CBR4: variants seen among roughly 807,000 people sequenced by gnomAD.
CBR4 encodes 3-oxoacyl-[acyl-carrier-protein] reductase.
A neutral mutation model predicts 21.0 loss-of-function variants in CBR4; 22 were observed. The observed-to-expected ratio is 1.05, with a 90% confidence interval of 0.75 to 1.50. The LOEUF (loss-of-function observed/expected upper bound fraction) is 1.50. Ranked by LOEUF, CBR4 falls within the 40% of genes most tolerant of loss-of-function variation. The pLI, the probability that CBR4 is intolerant of heterozygous loss-of-function variation, is 0.00. For missense variants in CBR4, 302 were observed against 286.3 expected (o/e 1.05, Z -0.40); for synonymous variants, 100 against 104.4 (o/e 0.96, Z 0.26).
chr4:168,980,001 C>A (rs868645483), intron 2 of CBR4, among the ~76,000 whole-genome samples: 1 of 152,166 alleles, frequency 6.6e-6, no homozygotes, highest in South Asian at 2.1e-4. Context: ...AGGGCCCCCC[C>A]AGCTTGGGCC....
intron 2 of CBR4, among the ~76,000 whole-genome samples, chr4:168,934,938 A>G (rs1295827948): frequency 2.6e-5 from 4 of 152,212 alleles, no homozygotes; most frequent in Admixed American, 2.6e-4. Context: ...CCTCAATATA[A>G]TATTAGTAAA....
At chr4:168,928,997 A>G (rs1762871606) in intron 2 of CBR4, among the ~76,000 whole-genome samples, 1 of 152,212 alleles carries the variant, frequency 6.6e-6, no homozygotes, top group African/African-American at 2.4e-5. Context: ...GAAGGTGTGT[A>G]TACACCAGAG....
At chr4:168,978,403 TTAACTA>T (rs1198071853) in intron 2 of CBR4, among the ~76,000 whole-genome samples, 2 of 152,146 alleles carry the variant, frequency 1.3e-5, no homozygotes, top group African/African-American at 4.8e-5. Context: ...CACTAGCTCT[TTAACTA>T]AACAGTCCAA....
chr4:168,914,571 T>C (rs1391667823), intron 2 of CBR4, among the ~76,000 whole-genome samples: 1 of 152,222 alleles, frequency 6.6e-6, no homozygotes, highest in African/African-American at 2.4e-5. Context: ...CTAGTAGTTC[T>C]GAGTCTATGC....
At chr4:169,005,940 T>C (rs1179587913) in intron 3 of CBR4, 2 of 1,271,618 alleles carry the variant, frequency 1.6e-6, no homozygotes, top group Non-Finnish European at 2.1e-6. Context: ...CATTTGAAAA[T>C]AAAAAGCAGA....
intron 2 of CBR4, among the ~76,000 whole-genome samples, chr4:168,949,077 T>C (rs1006567799): frequency 6.6e-5 from 10 of 152,232 alleles, no homozygotes; most frequent in African/African-American, 1.4e-4. Context: ...TAGAGGTCTT[T>C]AGCCTCCTTG....
chr4:168,912,894 A>G (rs965681874), intron 2 of CBR4, among the ~76,000 whole-genome samples: 3 of 152,142 alleles, frequency 2.0e-5, no homozygotes, highest in Non-Finnish European at 4.4e-5. Context: ...TCAAAATTTC[A>G]ATTGACAAAT....
chr4:168,907,810 A>G (rs1160263757), intron 2 of CBR4, among the ~76,000 whole-genome samples: 1 of 152,166 alleles, frequency 6.6e-6, no homozygotes, highest in East Asian at 1.9e-4. Context: ...AGCCAAGGGT[A>G]AAATAACTAC....
chr4:168,957,791 C>T (rs1231219830), intron 2 of CBR4, among the ~76,000 whole-genome samples: 1 of 152,132 alleles, frequency 6.6e-6, no homozygotes, highest in Admixed American at 6.5e-5. Flanking sequence ...CCATAATCCC[C>T]ACATGTCGTG....
chr4:168,907,955 A>AAGGGGT (rs1230537028), intron 2 of CBR4, among the ~76,000 whole-genome samples: 1 of 152,204 alleles, frequency 6.6e-6, no homozygotes, highest in Non-Finnish European at 1.5e-5. Context: ...CCAGCATCTT[A>AAGGGGT]AGGGGTAGGG....
chr4:168,897,239 T>TC (rs1755404377), intron 2 of CBR4, among the ~76,000 whole-genome samples: 1 of 152,194 alleles, frequency 6.6e-6, no homozygotes, highest in Admixed American at 6.5e-5. Flanking sequence ...TGCTAATTCT[T>TC]CAAGGGATTA....
chr4:168,911,167 A>G (rs928409541), intron 2 of CBR4, among the ~76,000 whole-genome samples: 2 of 152,214 alleles, frequency 1.3e-5, no homozygotes, highest in Admixed American at 1.3e-4. Context: ...AAAGAAACAA[A>G]GGCTTGAACA....
chr4:168,930,957 G>A (rs1023724972), intron 2 of CBR4, among the ~76,000 whole-genome samples: 8 of 152,136 alleles, frequency 5.3e-5, no homozygotes, highest in Admixed American at 2.0e-4. Flanking sequence ...TTAGGTGCCT[G>A]CTGTGGGGCC....
At chr4:169,008,995 G>A (rs1339876736) in intron 1 of CBR4, 2 of 451,192 alleles carry the variant, frequency 4.4e-6, no homozygotes, top group Non-Finnish European at 4.4e-6. Context: ...GAGGCGAGAA[G>A]ATCTCTAGAG....
chr4:168,905,891 C>G (rs1020057780), intron 2 of CBR4, among the ~76,000 whole-genome samples: 1 of 149,994 alleles, frequency 6.7e-6, no homozygotes, highest in Admixed American at 6.7e-5. Flanking sequence ...TCTCCACCTC[C>G]TGGGTTCAAG....
At position 168,990,253 on chromosome 4, in the gene CBR4, C is replaced by T. The variant is rs1325208748; in HGVS notation, c.611G>A (p.Gly204Glu). The T allele has an allele frequency of 6.2e-7, 1 of 1,613,550 alleles. No individual in the cohort carries two copies. The highest frequency in any genetic ancestry group is 2.2e-5 in the East Asian group (1 of 44,844). The change falls in exon 5 of 5, where the codon GGA (glycine) becomes GAA (glutamate). Residue 204 changes from glycine to glutamate, a missense_variant. Transcript: ENST00000306193. Reference sequence around the variant, plus strand: ...CGCATGTGCCACCTCAATAGTTTCTCCAAACCTCCCAAGAGGAATATTTTT... The same window carrying T: ...CGCATGTGCCACCTCAATAGTTTCTTCAAACCTCCCAAGAGGAATATTTTT... ...LKKNIPLGRF[G>E]ETIEVAHAVV...
chr4:168,979,072 A>G (rs891026798), intron 2 of CBR4, among the ~76,000 whole-genome samples: 1 of 152,070 alleles, frequency 6.6e-6, no homozygotes, highest in Non-Finnish European at 1.5e-5. Context: ...GCCTTGCAGA[A>G]AAAGAGGCCA....
In CBR4 at chr4:169,006,859, T is replaced by TA. The variant is rs1730947354; in HGVS notation, c.295_296insT (p.Asp99ValfsTer9). 3 of 1,612,730 alleles carry TA rather than the reference T, an allele frequency of 1.9e-6. No homozygotes were observed. Among genetic ancestry groups the TA allele is most frequent in the Middle Eastern group, 1.7e-4 (1 of 6,060 alleles). On this transcript the variant is annotated frameshift_variant, in exon 3 of 5. Coordinates refer to ENST00000306193, the MANE Select transcript of CBR4 (RefSeq NM_032783.5). LOFTEE classifies it high-confidence loss of function. ...GTTAGTATGAAGCTGAGATACCATA[T>TA]CTTCAGTTTTTGTTCTTACTAAAAG...
At chr4:168,895,708 A>G (rs78739667) in intron 2 of CBR4, among the ~76,000 whole-genome samples, 3,752 of 152,332 alleles carry the variant, frequency 0.025, 151 homozygotes, top group African/African-American at 0.086. Context: ...GGGGTTGCAG[A>G]AGCGGAAGAA....
Sources: allele counts gnomAD v4.1 joint callset (sites outside exome capture counted in the v4.1 genomes callset), GRCh38; gene constraint gnomAD v4.1.1; transcripts MANE v1.5; gene names NCBI Gene and HGNC (gene_info 2026-07-23, HGNC 2026-07-21).